The following NDST4 variants were observed in gnomAD, a reference collection of about 807,000 sequenced individuals.
NDST4 encodes N-heparan sulfate sulfotransferase 4.
A neutral mutation model predicts 100.8 loss-of-function variants in NDST4; 63 were observed. The ratio of observed to expected loss-of-function variants is 0.62; its 90% CI spans 0.51 to 0.77. NDST4 has a LOEUF of 0.77. Among genes scored for constraint, NDST4 ranks in the 30% least tolerant of loss-of-function variants. The probability of loss-of-function intolerance (pLI) is 0.00; values close to 1 mark genes in which losing one functional copy is unlikely to be tolerated. For missense variants in NDST4, 943 were observed against 1,018.4 expected (o/e 0.93, Z 1.01); for synonymous variants, 377 against 361.8 (o/e 1.04, Z -0.48).
chr4:114,896,085 AT>A (rs1724707551), intron 6 of NDST4, among the ~76,000 whole-genome samples: 1 of 152,130 alleles, frequency 6.6e-6, no homozygotes, highest in South Asian at 2.1e-4. Flanking sequence ...TTCTCCATAT[AT>A]TCACATTCAT....
intron 2 of NDST4, among the ~76,000 whole-genome samples, chr4:114,978,521 C>T (rs548605230): frequency 6.6e-6 from 1 of 152,146 alleles, no homozygotes; most frequent in African/African-American, 2.4e-5. Context: ...AATAGAACCA[C>T]TAGCTTAACT....
intron 2 of NDST4, among the ~76,000 whole-genome samples, chr4:115,039,564 T>C (rs975696616): frequency 6.6e-6 from 1 of 152,192 alleles, no homozygotes; most frequent in Admixed American, 6.6e-5. Flanking sequence ...ACTGAAGCTG[T>C]TCATAACAGC....
At chr4:114,853,286 T>G (rs1723719406) in intron 7 of NDST4, among the ~76,000 whole-genome samples, 1 of 152,182 alleles carries the variant, frequency 6.6e-6, no homozygotes, top group African/African-American at 2.4e-5. Context: ...AATATTCCCA[T>G]GGTTTGGCCA....
intron 1 of NDST4, among the ~76,000 whole-genome samples, chr4:115,108,788 G>C (rs2110347013): frequency 6.6e-6 from 1 of 151,884 alleles, no homozygotes; most frequent in South Asian, 2.1e-4. Context: ...ATTGCTTATT[G>C]CAACTTAACC....
intron 8 of NDST4, among the ~76,000 whole-genome samples, chr4:114,851,391 T>C (rs1294114741): frequency 1.3e-5 from 2 of 152,228 alleles, no homozygotes; most frequent in Non-Finnish European, 2.9e-5. Flanking sequence ...CTTATTTGTT[T>C]GTTTGTCTTA....
chr4:115,039,327 T>C (rs1728299528), intron 2 of NDST4, among the ~76,000 whole-genome samples: 1 of 152,158 alleles, frequency 6.6e-6, no homozygotes, highest in South Asian at 2.1e-4. Context: ...TTTTTATGTA[T>C]TTCTTTTCAC....
rs1236404282 is a variant in NDST4 at position 114,986,788 on chromosome 4, T to TTATATATATATATA, written c.979-9515_979-9514insTATATATATATATA. On this transcript the variant is annotated intron_variant, in intron 2 of 13. Coordinates refer to ENST00000264363, the MANE Select transcript of NDST4 (RefSeq NM_022569.3). ...TAGTTCCTCTAAGCCTGGTATCCAATTATACATATATATATATATATATAT... is the reference window on the plus strand; with the variant it reads ...TAGTTCCTCTAAGCCTGGTATCCAATTATATATATATATATATACATATATATATATATATATAT... 6.1e-5 allele frequency among the ~76,000 whole-genome samples: 4 copies of TTATATATATATATA among 65,982 alleles called. 1 individual carries two copies. The highest frequency in any genetic ancestry group is 2.9e-4 in the African/African-American group (4 of 13,744). The allele number at this position is 65,982 out of a possible 152,430, so 43.3% of individuals were successfully genotyped here.
At chr4:114,837,653 T>C (rs1723332774) in intron 11 of NDST4, among the ~76,000 whole-genome samples, 1 of 152,210 alleles carries the variant, frequency 6.6e-6, no homozygotes, top group South Asian at 2.1e-4. Context: ...GACCCCTTCC[T>C]TACACTTTAT....
At chr4:115,072,489 C>A (rs531405611) in intron 2 of NDST4, among the ~76,000 whole-genome samples, 3 of 151,978 alleles carry the variant, frequency 2.0e-5, no homozygotes, top group East Asian at 3.9e-4. Context: ...TAAAAACAGA[C>A]ACACAGACCA....
intron 2 of NDST4, among the ~76,000 whole-genome samples, chr4:115,053,841 A>G (rs1324414018): frequency 6.6e-6 from 1 of 152,096 alleles, no homozygotes; most frequent in Non-Finnish European, 1.5e-5. Flanking sequence ...TTCCTGTAAC[A>G]ACACAGTTAT....
chr4:114,924,806 T>C (rs559361730), intron 6 of NDST4, among the ~76,000 whole-genome samples: 1 of 151,248 alleles, frequency 6.6e-6, no homozygotes, highest in Admixed American at 6.6e-5. Flanking sequence ...TTACATAATC[T>C]GTTATGTATT....
At chr4:115,013,825 C>A (rs1265186646) in intron 2 of NDST4, among the ~76,000 whole-genome samples, 2 of 151,992 alleles carry the variant, frequency 1.3e-5, no homozygotes, top group East Asian at 3.9e-4. Flanking sequence ...CTGGAACTGC[C>A]TTTACCTAGG....
At chr4:115,096,099 ACT>A (rs1346779571) in intron 1 of NDST4, among the ~76,000 whole-genome samples, 3 of 151,296 alleles carry the variant, frequency 2.0e-5, no homozygotes, top group Non-Finnish European at 2.9e-5. Flanking sequence ...ATCATTTTAC[ACT>A]CTTTTATTTC....
intron 1 of NDST4, among the ~76,000 whole-genome samples, chr4:115,107,081 C>G (rs1729847933): frequency 1.3e-5 from 2 of 151,952 alleles, no homozygotes; most frequent in Non-Finnish European, 2.9e-5. Flanking sequence ...TTGCTTGAGC[C>G]CAGGAGTTTG....
At position 114,935,292 on chromosome 4, in the gene NDST4, A is replaced by C. The variant is rs1308958261; in HGVS notation, c.1450T>G (p.Phe484Val). 1 of 1,610,588 alleles carries C rather than the reference A, an allele frequency of 6.2e-7. No homozygotes were observed. ...QTCGLFTHTI[F>V]YKEYPGGPQE... ...GGTCCTCCTGGATATTCTTTGTAGA[A>C]AATAGTGTGAGTGAACAACCCACAA... Residue 484 changes from phenylalanine (F) to valine (V), a missense_variant, in exon 6 of 14, where the codon TTC becomes GTC. By Grantham distance (50) the Phe-to-Val change is conservative. Transcript: ENST00000264363.
Position 114,935,212 on chromosome 4 carries a change from T to C in NDST4, c.1530A>G (p.Leu510=). The change falls in exon 6 of 14, where the codon CTA becomes CTG. Residue 510 remains leucine, a synonymous_variant. Coordinates refer to ENST00000264363, the MANE Select transcript of NDST4 (RefSeq NM_022569.3). ...RGGELFLTIL[L]NPISIFMTHL... ...GCATACATAGAATACATACTGGGTT[T>C]AGAAGGATTGTGAGAAAAAGTTCAC... is the stretch of plus-strand genomic sequence containing the variant. The C allele has an allele frequency of 6.2e-7, 1 of 1,606,480 alleles. No individual in the cohort carries two copies. The highest frequency in any genetic ancestry group is 8.5e-7 in the Non-Finnish European group (1 of 1,176,754).
intron 2 of NDST4, among the ~76,000 whole-genome samples, chr4:115,004,156 T>C (rs1391712167): frequency 6.6e-6 from 1 of 152,096 alleles, no homozygotes; most frequent in Non-Finnish European, 1.5e-5. Flanking sequence ...TTTAATCAAA[T>C]AGGAAAAAAT....
chr4:114,867,663 A>AG (rs1724059849), intron 7 of NDST4, among the ~76,000 whole-genome samples: 1 of 80,734 alleles, frequency 1.2e-5, no homozygotes, highest in Non-Finnish European at 2.4e-5. Flanking sequence ...AAAAAAAAAA[A>AG]GCAAAAAAAA....
intron 2 of NDST4, among the ~76,000 whole-genome samples, chr4:115,041,661 T>G (rs1728354068): frequency 6.6e-6 from 1 of 152,124 alleles, no homozygotes; most frequent in African/African-American, 2.4e-5. Context: ...ACCTTTGATA[T>G]CTTTCTCCTT....
Sources: allele counts gnomAD v4.1 joint callset (sites outside exome capture counted in the v4.1 genomes callset), GRCh38; gene constraint gnomAD v4.1.1; transcripts MANE v1.5; gene names NCBI Gene and HGNC (gene_info 2026-07-23, HGNC 2026-07-21).